The following LAMB4 variants were observed in gnomAD, a reference collection of about 807,000 sequenced individuals.
LAMB4 encodes laminin subunit beta 4.
Under a neutral mutation model 199.2 loss-of-function variants are expected in LAMB4, and 196 were observed. The observed-to-expected ratio is 0.98, with a 90% CI of 0.88 to 1.11. LAMB4 has a LOEUF of 1.11. Ranked by LOEUF, LAMB4 falls within the 50% of genes least tolerant of loss-of-function variation. LAMB4 has a pLI of 0.00. For synonymous variants in LAMB4, 744 were observed against 770.6 expected (o/e 0.97, Z 0.57); for missense variants, 2,080 against 2,171.2 (o/e 0.96, Z 0.83).
At chr7:108,059,472 C>A (rs937366890) in intron 23 of LAMB4, among the ~76,000 whole-genome samples, 5 of 152,144 alleles carry the variant, frequency 3.3e-5, no homozygotes, top group Admixed American at 6.5e-5. Context: ...TTCTCTCTAG[C>A]CTTCATCACG....
At chr7:108,121,860 G>C (rs2038612398) in intron 2 of LAMB4, among the ~76,000 whole-genome samples, 1 of 152,024 alleles carries the variant, frequency 6.6e-6, no homozygotes, top group African/African-American at 2.4e-5. Context: ...ATATTGCTCA[G>C]TCAGAAGATA....
chr7:108,057,554 T>C (rs1245200662), intron 24 of LAMB4, among the ~76,000 whole-genome samples: 1 of 152,208 alleles, frequency 6.6e-6, no homozygotes, highest in South Asian at 2.1e-4. Flanking sequence ...TTTCTTCTTT[T>C]GGAAGCTGAC....
chr7:108,026,324 A>C (rs983389594), intron 33 of LAMB4, among the ~76,000 whole-genome samples: 1 of 152,254 alleles, frequency 6.6e-6, no homozygotes, highest in Non-Finnish European at 1.5e-5. Context: ...GAAAAGCGGA[A>C]GAACTGATGT....
intron 10 of LAMB4, 63 bp from the exon 11 acceptor site, chr7:108,098,645 C>G: frequency 1.4e-6 from 2 of 1,397,194 alleles, no homozygotes; most frequent in Middle Eastern, 5.2e-4. Flanking sequence ...GAAATATAAG[C>G]ACGGCATTTT....
intron 1 of LAMB4, among the ~76,000 whole-genome samples, chr7:108,124,672 A>C (rs2038716552): frequency 1.3e-5 from 2 of 151,978 alleles, no homozygotes; most frequent in Non-Finnish European, 2.9e-5. Flanking sequence ...GGCAAAAAAA[A>C]AACAACCTCA....
chr7:108,023,343 A>C (rs1035469404), downstream of LAMB4, among the ~76,000 whole-genome samples: 2 of 152,242 alleles, frequency 1.3e-5, no homozygotes, highest in Non-Finnish European at 2.9e-5. Context: ...GAAATGAGAC[A>C]ATCTTATCTT....
chr7:108,018,146 G>A, the LAMB4 span, among the ~76,000 whole-genome samples: 1 of 152,244 alleles, frequency 6.6e-6, no homozygotes, highest in African/African-American at 2.4e-5. Context: ...CACCTAAGGA[G>A]ATGTGTGCTT....
chr7:108,092,258 T>A (rs2037436006), intron 13 of LAMB4, 79 bp downstream of exon 13: 1 of 1,073,204 alleles, frequency 9.3e-7, no homozygotes, highest in African/African-American at 1.6e-5. Flanking sequence ...ATTTTTCACC[T>A]ATGACTATGA....
chr7:108,067,742 GACAC>G (rs1306506610), intron 19 of LAMB4, among the ~76,000 whole-genome samples: 1 of 152,164 alleles, frequency 6.6e-6, no homozygotes, highest in Non-Finnish European at 1.5e-5. Context: ...CCAACCATTT[GACAC>G]AGACTGCAAA....
chr7:108,044,337 G>A (rs2035541851), intron 28 of LAMB4: 1 of 152,954 alleles, frequency 6.5e-6, no homozygotes. Flanking sequence ...TTCAAGTAAT[G>A]TACTTTCTTT....
Position 108,068,014 on chromosome 7 carries a change from A to G in LAMB4, c.2446+2T>C. 6.2e-7 allele frequency: 1 copy of G among 1,614,168 alleles called. No individual in the cohort carries two copies. Among genetic ancestry groups the G allele is most frequent in the Non-Finnish European group, 8.5e-7 (1 of 1,180,018 alleles). Reference sequence around the variant, plus strand: ...TTTCCCCTTGTGTGTTTTGCTACGTACGGTGACAGCCGTGATGCCCCAAAT... The same window carrying G: ...TTTCCCCTTGTGTGTTTTGCTACGTGCGGTGACAGCCGTGATGCCCCAAAT... On this transcript the variant is annotated splice_donor_variant, in intron 19 of 33. Transcript: ENST00000388781. LOFTEE classifies it high-confidence loss of function.
intron 2 of LAMB4, among the ~76,000 whole-genome samples, chr7:108,116,380 C>A (rs2038409042): frequency 6.6e-6 from 1 of 152,074 alleles, no homozygotes; most frequent in African/African-American, 2.4e-5. Context: ...ATCTGTATTT[C>A]AAAATACAGA....
At chr7:108,118,336 A>C (rs2038480644) in intron 2 of LAMB4, among the ~76,000 whole-genome samples, 1 of 152,184 alleles carries the variant, frequency 6.6e-6, no homozygotes. Context: ...ATTTTGAAAA[A>C]AGAAAATAAA....
intron 11 of LAMB4, 85 bp from the exon 12 acceptor site, chr7:108,095,422 G>A: frequency 1.0e-6 from 1 of 971,190 alleles, no homozygotes; most frequent in East Asian, 2.5e-5. Context: ...AAAGCAAGAA[G>A]CATAACCGCA....
At chr7:108,064,118 A>G (rs2036258341) in intron 21 of LAMB4, 133 bp from the exon 22 acceptor site, 3 of 661,118 alleles carry the variant, frequency 4.5e-6, no homozygotes, top group South Asian at 3.6e-5. Flanking sequence ...GGGGTGAATA[A>G]CGAAAAGTGT....
chr7:108,069,608 G>T, intron 18 of LAMB4, 100 bp downstream of exon 18: 1 of 1,048,576 alleles, frequency 9.5e-7, no homozygotes, highest in Non-Finnish European at 1.4e-6. Context: ...TGGGTATTTT[G>T]GTTGTTGTTT....
At position 108,083,405 on chromosome 7, in the gene LAMB4, C is replaced by CCA. The variant is rs2037034065; in HGVS notation, c.1702-3621_1702-3620dup. Among the ~76,000 whole-genome samples the CCA allele has an allele frequency of 4.6e-5, 7 of 152,290 alleles. No homozygotes were observed. In the South Asian group the frequency reaches 1.5e-3, roughly 32 times the overall value. On this transcript the variant is annotated intron_variant, in intron 14 of 33. Coordinates refer to ENST00000388781, the MANE Select transcript of LAMB4 (RefSeq NM_007356.3). ...ATTACATGGCTTCCTACAGTGAGAA[C>CCA]CAGCCATTCTATGGCCTTGGCAGCA...
chr7:108,125,866 G>A (rs1409855060), intron 1 of LAMB4, among the ~76,000 whole-genome samples: 1 of 152,230 alleles, frequency 6.6e-6, no homozygotes, highest in African/African-American at 2.4e-5. Flanking sequence ...AAAATGACCT[G>A]CTGAAAATTT....
chr7:108,034,629 A>G (rs1234590293), intron 30 of LAMB4, among the ~76,000 whole-genome samples: 2 of 152,192 alleles, frequency 1.3e-5, no homozygotes, highest in African/African-American at 4.8e-5. Flanking sequence ...ATAACTATCA[A>G]TCTTTGCACA....
Sources: gnomAD v4.1 joint callset for allele counts (sites outside exome capture counted in the v4.1 genomes callset) on GRCh38, gnomAD v4.1.1 for gene constraint, MANE v1.5 for transcripts, NCBI Gene and HGNC (gene_info 2026-07-23, HGNC 2026-07-21) for gene names.